Variants in TENM3 observed in about 807,000 individuals in gnomAD.
TENM3 encodes teneurin transmembrane protein 3.
In TENM3, 63 loss-of-function variants were observed where a neutral mutation model predicts 255.1. The ratio of observed to expected loss-of-function variants is 0.25; its 90% confidence interval spans 0.20 to 0.30. The LOEUF is 0.30. TENM3 is among the 10% of genes least tolerant of loss of function. The pLI is 1.00. For synonymous variants in TENM3, 1,306 were observed against 1,322.3 expected (o/e 0.99, Z 0.27); for missense variants, 2,929 against 3,461.1 (o/e 0.85, Z 3.86).
chr4:181,595,341 G>A, the TENM3 span, among the ~76,000 whole-genome samples: 1 of 145,630 alleles, frequency 6.9e-6, no homozygotes, highest in Admixed American at 7.2e-5. Context: ...TGAGGCATGA[G>A]AATCGCTTAA....
At chr4:182,439,247 T>C (rs551799211) in intron 3 of TENM3, among the ~76,000 whole-genome samples, 1 of 152,318 alleles carries the variant, frequency 6.6e-6, no homozygotes, top group African/African-American at 2.4e-5. Context: ...ACTCTACCTG[T>C]TTTTCACTCT....
the TENM3 span, among the ~76,000 whole-genome samples, chr4:181,690,668 G>GA: frequency 6.6e-6 from 1 of 152,024 alleles, no homozygotes; most frequent in East Asian, 1.9e-4. Context: ...AAAATTCCCT[G>GA]AAAGGGAAGG....
At chr4:182,327,436 T>C (rs1048699615) in intron 2 of TENM3, among the ~76,000 whole-genome samples, 1 of 152,240 alleles carries the variant, frequency 6.6e-6, no homozygotes, top group Admixed American at 6.5e-5. Context: ...TTGGTGCGAT[T>C]ATATGGAGAA....
chr4:182,361,512 CG>C (rs1440156707), intron 3 of TENM3, among the ~76,000 whole-genome samples: 1 of 152,148 alleles, frequency 6.6e-6, no homozygotes, highest in East Asian at 1.9e-4. Flanking sequence ...TTGATCGCAT[CG>C]GCTCCTGAGG....
chr4:182,682,036 C>T (rs770272893), intron 11 of TENM3, 22 bp downstream of exon 11: 1 of 1,599,974 alleles, frequency 6.3e-7, no homozygotes, highest in South Asian at 1.1e-5. Context: ...AAATGCAGTA[C>T]AATCGAGTTG....
At chr4:181,450,752 C>T in the TENM3 span, among the ~76,000 whole-genome samples, 54 of 152,140 alleles carry the variant, frequency 3.5e-4, no homozygotes, top group Non-Finnish European at 5.9e-4. Flanking sequence ...AACCTACATG[C>T]GCGATTCTAG....
At position 182,196,947 on chromosome 4, in the gene TENM3, G is replaced by C. The variant is rs959898695; in HGVS notation, c.-76+52193G>C. Among the ~76,000 whole-genome samples the C allele has an allele frequency of 3.9e-5, 6 of 151,994 alleles. No homozygotes were observed. In the South Asian group the frequency reaches 1.2e-3, roughly 32 times the overall value. Reference sequence around the variant, plus strand: ...ATGCATCATTTCCGGTCATCTTCTCGGATGCCAAGGAGCTCAGGACCTGAC... The same window carrying C: ...ATGCATCATTTCCGGTCATCTTCTCCGATGCCAAGGAGCTCAGGACCTGAC... On this transcript the variant is annotated intron_variant, in intron 1 of 2. Transcript: ENST00000512480.
the TENM3 span, among the ~76,000 whole-genome samples, chr4:182,072,310 A>C: frequency 6.6e-6 from 1 of 152,268 alleles, no homozygotes; most frequent in African/African-American, 2.4e-5. Context: ...CTGCACTCAT[A>C]ATCTGGCTGC....
chr4:181,540,553 C>T, the TENM3 span, among the ~76,000 whole-genome samples: 1 of 152,122 alleles, frequency 6.6e-6, no homozygotes, highest in African/African-American at 2.4e-5. Flanking sequence ...CAAGCTGACA[C>T]CAACAACATG....
the TENM3 span, among the ~76,000 whole-genome samples, chr4:181,923,548 A>G: frequency 2.0e-5 from 3 of 152,182 alleles, no homozygotes; most frequent in South Asian, 6.2e-4. Flanking sequence ...AGAAATTTTT[A>G]TTAAGTGGCT....
the TENM3 span, among the ~76,000 whole-genome samples, chr4:182,138,275 T>C: frequency 6.6e-6 from 1 of 152,358 alleles, no homozygotes; most frequent in Non-Finnish European, 1.5e-5. Context: ...TAAGCGGTCA[T>C]CATCTTTATT....
Position 182,799,081 on chromosome 4 carries a change from A to G in TENM3, c.7345-515A>G, listed in dbSNP as rs994325739. On this transcript the variant is annotated intron_variant, in intron 27 of 27. Transcript: ENST00000511685. This position sits in a 1 kb window ranked among gnomAD's most constrained non-coding sequence, Gnocchi z 4.2. Reference sequence around the variant, plus strand: ...TTCTGCGGTTACACTCACCATCTTCAGCTGAAAACTCTGCCAGGAGAGGGG... The same window carrying G: ...TTCTGCGGTTACACTCACCATCTTCGGCTGAAAACTCTGCCAGGAGAGGGG... Among the ~76,000 whole-genome samples the G allele has an allele frequency of 2.0e-5, 3 of 152,326 alleles. No individual in the cohort carries two copies. Among genetic ancestry groups the G allele is most frequent in the Admixed American group, 2.0e-4 (3 of 15,298 alleles).
chr4:181,449,093 T>C, the TENM3 span, among the ~76,000 whole-genome samples: 1 of 152,232 alleles, frequency 6.6e-6, no homozygotes, highest in Non-Finnish European at 1.5e-5. Flanking sequence ...ATACATTTTA[T>C]AGGTATTACA....
At chr4:182,663,902 G>A (rs1581249369) in intron 6 of TENM3, among the ~76,000 whole-genome samples, 2 of 152,094 alleles carry the variant, frequency 1.3e-5, no homozygotes, top group Non-Finnish European at 2.9e-5. Context: ...CGGTTTCTGT[G>A]TAGGATGCCA....
At chr4:182,730,528 G>T (rs1760608673) in intron 15 of TENM3, among the ~76,000 whole-genome samples, 1 of 152,162 alleles carries the variant, frequency 6.6e-6, no homozygotes, top group South Asian at 2.1e-4. Flanking sequence ...CTAAGGCATG[G>T]TAATACTGTA....
chr4:181,589,526 A>T, the TENM3 span, among the ~76,000 whole-genome samples: 1 of 152,330 alleles, frequency 6.6e-6, no homozygotes, highest in African/African-American at 2.4e-5. Flanking sequence ...TAAAAATGTA[A>T]AAAGGAAGGA....
chr4:181,683,229 C>T, the TENM3 span, among the ~76,000 whole-genome samples: 1 of 151,944 alleles, frequency 6.6e-6, no homozygotes, highest in Non-Finnish European at 1.5e-5. Flanking sequence ...TGTAAAACCT[C>T]GGAAATAGCT....
chr4:181,881,694 C>T, the TENM3 span, among the ~76,000 whole-genome samples: 1 of 152,074 alleles, frequency 6.6e-6, no homozygotes, highest in Admixed American at 6.5e-5. Flanking sequence ...GAGTGTGTTT[C>T]CTGGAGACTT....
chr4:182,717,287 C>G (rs1440657697), intron 13 of TENM3, among the ~76,000 whole-genome samples: 1 of 152,148 alleles, frequency 6.6e-6, no homozygotes, highest in East Asian at 1.9e-4. Flanking sequence ...CTCTAAAAAG[C>G]TGCTTTAGAA....
Sources: allele counts gnomAD v4.1 joint callset (sites outside exome capture counted in the v4.1 genomes callset), GRCh38; gene constraint gnomAD v4.1.1; non-coding constraint Gnocchi (gnomAD v3.1); transcripts MANE v1.5; gene names NCBI Gene and HGNC (gene_info 2026-07-23, HGNC 2026-07-21).